Variants in SORCS2 observed in about 807,000 individuals in gnomAD.
SORCS2 encodes the protein VPS10 domain-containing receptor SorCS2.
In SORCS2, 100 loss-of-function variants were observed where a neutral mutation model predicts 141.6. The ratio of observed to expected loss-of-function variants is 0.71; its 90% CI spans 0.60 to 0.83. The LOEUF (loss-of-function observed/expected upper bound fraction) is 0.83. SORCS2 is among the 40% of genes least tolerant of loss of function. SORCS2 has a pLI of 0.00. For missense variants in SORCS2, 1,646 were observed against 1,560.2 expected (o/e 1.05, Z -0.93); for synonymous variants, 789 against 676.9 (o/e 1.17, Z -2.57).
At chr4:7,589,977 C>A (rs1253446313) in intron 3 of SORCS2, among the ~76,000 whole-genome samples, 1 of 152,046 alleles carries the variant, frequency 6.6e-6, no homozygotes, top group East Asian at 1.9e-4. Flanking sequence ...AATGGCGGGG[C>A]TATTGGAGCA....
At chr4:7,673,999 G>A (rs986501492) in intron 8 of SORCS2, among the ~76,000 whole-genome samples, 8 of 152,126 alleles carry the variant, frequency 5.3e-5, no homozygotes, top group African/African-American at 1.9e-4. Flanking sequence ...TTTGGCCCAT[G>A]GCGCTGAGCA....
intron 2 of SORCS2, among the ~76,000 whole-genome samples, chr4:7,413,391 CTTTTT>C (rs34379092): frequency 2.4e-5 from 2 of 84,834 alleles, no homozygotes; most frequent in Admixed American, 1.6e-4. Flanking sequence ...TTCACAGCTG[CTTTTT>C]TTTTTTTTTT....
intron 5 of SORCS2, among the ~76,000 whole-genome samples, chr4:7,657,226 T>C (rs1356120307): frequency 2.6e-5 from 4 of 152,246 alleles, no homozygotes; most frequent in Non-Finnish European, 4.4e-5. Context: ...ACAAACGTGG[T>C]AAATAAATGA....
chr4:7,715,138 T>C (rs781399727), intron 16 of SORCS2, 45 bp from the exon 17 acceptor site: 3 of 1,606,172 alleles, frequency 1.9e-6, no homozygotes, highest in Non-Finnish European at 2.6e-6. Flanking sequence ...TGACTCCGGT[T>C]CCCACCTGTG....
chr4:7,236,160 A>G (rs988768200), intron 1 of SORCS2, among the ~76,000 whole-genome samples: 2 of 152,200 alleles, frequency 1.3e-5, no homozygotes, highest in Non-Finnish European at 2.9e-5. Context: ...CATGTATGTG[A>G]GTGTGAAAAG....
intron 3 of SORCS2, among the ~76,000 whole-genome samples, chr4:7,618,453 C>T (rs529803079): frequency 6.6e-6 from 1 of 152,292 alleles, no homozygotes; most frequent in East Asian, 1.9e-4. Flanking sequence ...CTGTTCAAGG[C>T]CCCCAATGGT....
intron 4 of SORCS2, 54 bp downstream of exon 4, chr4:7,638,546 C>T (rs1197871232): frequency 4.5e-6 from 7 of 1,550,054 alleles, no homozygotes; most frequent in South Asian, 1.2e-5. Context: ...TCTGCTCGAC[C>T]CACCTGGAGG....
chr4:7,677,177 G>A (rs1284313986), intron 9 of SORCS2, among the ~76,000 whole-genome samples: 3 of 152,172 alleles, frequency 2.0e-5, no homozygotes, highest in Non-Finnish European at 2.9e-5. Flanking sequence ...TCTGAGCTCA[G>A]ATGGGAGCCT....
intron 1 of SORCS2, among the ~76,000 whole-genome samples, chr4:7,285,399 G>C (rs1422753105): frequency 6.6e-6 from 1 of 152,224 alleles, no homozygotes; most frequent in African/African-American, 2.4e-5. Context: ...AAGGCCACAT[G>C]GCAGAGTGGA....
At chr4:7,354,228 G>C (rs1306438228) in intron 1 of SORCS2, among the ~76,000 whole-genome samples, 1 of 152,188 alleles carries the variant, frequency 6.6e-6, no homozygotes, top group Non-Finnish European at 1.5e-5. Flanking sequence ...CAGGGCAGTA[G>C]AGAGGGTCAG....
At chr4:7,511,875 C>T (rs1158720308) in intron 2 of SORCS2, among the ~76,000 whole-genome samples, 2 of 152,148 alleles carry the variant, frequency 1.3e-5, no homozygotes, top group Non-Finnish European at 2.9e-5. Flanking sequence ...GGGAAATGTC[C>T]CTAATGGAAA....
In SORCS2 at chr4:7,700,951, C is replaced by T. The variant is rs578245297; in HGVS notation, c.1669-2329C>T. Among the ~76,000 whole-genome samples, 94 of 152,350 alleles carry T rather than the reference C, an allele frequency of 6.2e-4. 1 individual carries two copies. Among genetic ancestry groups the T allele is most frequent in the African/African-American group, 2.2e-3 (91 of 41,582 alleles). On this transcript the variant is annotated intron_variant, in intron 12 of 26. Transcript: ENST00000507866. ...GGCAAGTCACTGTGTCTCTGAGCCT[C>T]AGTGTCTCTGGAAAGTGGGGAAATA... is the stretch of plus-strand genomic sequence containing the variant.
chr4:7,548,659 C>T (rs185347369), intron 3 of SORCS2, among the ~76,000 whole-genome samples: 4 of 152,084 alleles, frequency 2.6e-5, no homozygotes, highest in South Asian at 2.1e-4. Context: ...TGTGCCTCAC[C>T]GTGGAATGGT....
At chr4:7,536,340 T>G (rs1416693750) in intron 3 of SORCS2, among the ~76,000 whole-genome samples, 2 of 152,232 alleles carry the variant, frequency 1.3e-5, no homozygotes, top group Non-Finnish European at 2.9e-5. Context: ...ATAGTGGTCT[T>G]TGCAACAAGT....
intron 2 of SORCS2, chr4:7,433,831 A>G: frequency 1.2e-6 from 2 of 1,613,854 alleles, no homozygotes; most frequent in Non-Finnish European, 8.5e-7. Flanking sequence ...TTTGGCCACA[A>G]GCTGCACCAA....
At chr4:7,297,926 G>C (rs534424160) in intron 1 of SORCS2, among the ~76,000 whole-genome samples, 1 of 152,240 alleles carries the variant, frequency 6.6e-6, no homozygotes. Context: ...CTGTGGAGCC[G>C]AGACTGAGCC....
At position 7,697,218 on chromosome 4, in the gene SORCS2, G is replaced by A; in HGVS notation, c.1612G>A (p.Val538Met). 6.3e-7 allele frequency: 1 copy of A among 1,587,790 alleles called. No homozygotes were observed. The highest frequency in any genetic ancestry group is 8.6e-7 in the Non-Finnish European group (1 of 1,167,166). The change falls in exon 12 of 27, where the codon GTG becomes ATG. Residue 538 changes from valine (V) to methionine (M), a missense_variant. Transcript: ENST00000507866. The stretch of plus-strand genomic sequence containing the variant: ...ACCAGGTAACCTGGGCTCACAGCTG[G>A]TGGAATATAAAGAAGAAATGTACAT... ...MGAGNLGSQL[V>M]EYKEEMYITS...
rs76682359 is a variant in SORCS2, at chr4:7,712,917, G to C, written c.1989+64G>C. The C allele has an allele frequency of 4.2e-4, 665 of 1,586,288 alleles. 2 individuals carry two copies. The East Asian group carries it at 0.013, about 30-fold the overall frequency. On this transcript the variant is annotated intron_variant, in intron 15 of 26. Coordinates refer to ENST00000507866, the MANE Select transcript of SORCS2 (RefSeq NM_020777.3). ...CAGACTGCAAACACAGGCCCACTCT[G>C]CCTGCCAAAGTCCTCCCCTGCAAGG...
chr4:7,716,800 T>G (rs1456629743), intron 17 of SORCS2, among the ~76,000 whole-genome samples: 1 of 152,242 alleles, frequency 6.6e-6, no homozygotes, highest in African/African-American at 2.4e-5. Flanking sequence ...GGGACTCTTG[T>G]CTGAAGTGTC....
Sources: allele counts gnomAD v4.1 joint callset (sites outside exome capture counted in the v4.1 genomes callset), GRCh38; gene constraint gnomAD v4.1.1; transcripts MANE v1.5; gene names NCBI Gene and HGNC (gene_info 2026-07-23, HGNC 2026-07-21).